The following HMGB1 variants were observed in gnomAD, a reference collection of about 807,000 sequenced individuals.
HMGB1 encodes high mobility group box 1.
For synonymous variants in HMGB1, 81 were observed against 84.0 expected (o/e 0.96, Z 0.19); for missense variants, 79 against 253.5 (o/e 0.31, Z 4.67).
chr13:30,606,379 C>A (rs1052332167), intron 1 of HMGB1, among the ~76,000 whole-genome samples: 1 of 151,954 alleles, frequency 6.6e-6, no homozygotes, highest in African/African-American at 2.4e-5. Context: ...GTTTATATAC[C>A]CTATATTCAG....
intron 1 of HMGB1, among the ~76,000 whole-genome samples, chr13:30,498,106 C>T (rs117018049): frequency 0.035 from 5,356 of 152,286 alleles, 134 homozygotes; most frequent in Non-Finnish European, 0.054. Flanking sequence ...CTCTCCACAA[C>T]CTCGCAAGCA....
chr13:30,601,415 A>G (rs1950398846), intron 1 of HMGB1, among the ~76,000 whole-genome samples: 1 of 152,212 alleles, frequency 6.6e-6, no homozygotes, highest in South Asian at 2.1e-4. Context: ...CCTGTGGTCA[A>G]ACTACTAGTA....
chr13:30,614,124 C>A (rs1000420118), intron 1 of HMGB1, among the ~76,000 whole-genome samples: 15 of 152,040 alleles, frequency 9.9e-5, no homozygotes, highest in Admixed American at 3.3e-4. Flanking sequence ...TTTGTTCTTA[C>A]ATGTGTAAAA....
At chr13:30,554,230 A>T in intron 1 of HMGB1, 4 of 1,437,848 alleles carry the variant, frequency 2.8e-6, no homozygotes, top group Non-Finnish European at 3.9e-6. Flanking sequence ...GAGTCCCTGA[A>T]TCACCAGCTT....
intron 1 of HMGB1, among the ~76,000 whole-genome samples, chr13:30,561,145 A>C (rs983535570): frequency 4.3e-5 from 6 of 138,432 alleles, no homozygotes; most frequent in African/African-American, 2.0e-4. Flanking sequence ...GAAGACTGAG[A>C]CACATTTGGT....
At chr13:30,616,198 G>C (rs1462978409) in intron 1 of HMGB1, among the ~76,000 whole-genome samples, 1 of 152,138 alleles carries the variant, frequency 6.6e-6, no homozygotes, top group African/African-American at 2.4e-5. Context: ...AAAAGCTCTA[G>C]AGCGAAAACA....
At chr13:30,466,537 C>T (rs1311223649), upstream of HMGB1, among the ~76,000 whole-genome samples, 1 of 152,188 alleles carries the variant, frequency 6.6e-6, no homozygotes, top group African/African-American at 2.4e-5. Context: ...CATGATCCAG[C>T]CAGCCGGGTT....
In HMGB1 at chr13:30,462,489, C is replaced by T. The variant is rs141813238; in HGVS notation, c.471+49G>A. 1.4e-5 allele frequency: 20 copies of T among 1,413,984 alleles called. No homozygotes were observed. In the East Asian group the frequency reaches 3.2e-4, roughly 22 times the overall value. The allele number at this position is 1,413,984 out of a possible 1,614,324, so 87.6% of individuals were successfully genotyped here. ...ACACCTCAAACTAAGTACAATCATA[C>T]ATCTGGCGTACTTGTCATCATTTTA... On this transcript the variant is annotated intron_variant, in intron 4 of 4. Coordinates refer to ENST00000341423, the MANE Select transcript of HMGB1 (RefSeq NM_002128.7).
chr13:30,472,871 G>A (rs1211911867), intron 1 of HMGB1, among the ~76,000 whole-genome samples: 1 of 131,014 alleles, frequency 7.6e-6, no homozygotes, highest in Non-Finnish European at 1.7e-5. Context: ...TTTTTTTTTA[G>A]GGCAGTGAAA....
intron 1 of HMGB1, among the ~76,000 whole-genome samples, chr13:30,479,404 T>C (rs1379552469): frequency 6.6e-6 from 1 of 152,198 alleles, no homozygotes; most frequent in African/African-American, 2.4e-5. Flanking sequence ...CTCTCCAGTT[T>C]GCCCTCTAAA....
intron 1 of HMGB1, among the ~76,000 whole-genome samples, chr13:30,586,176 T>A (rs895223761): frequency 2.0e-5 from 3 of 152,212 alleles, no homozygotes; most frequent in Admixed American, 2.0e-4. Flanking sequence ...AAGAGATCCT[T>A]CTACCTCAGC....
intron 1 of HMGB1, chr13:30,464,788 TATGAGAGA>T (rs1565995412): frequency 5.9e-4 from 137 of 231,594 alleles, no homozygotes; most frequent in Non-Finnish European, 8.4e-4. Flanking sequence ...TGTGTGTGTG[TATGAGAGA>T]GTGTGTGAGT....
At chr13:30,558,206 T>C (rs1197502226) in intron 1 of HMGB1, among the ~76,000 whole-genome samples, 1 of 152,214 alleles carries the variant, frequency 6.6e-6, no homozygotes, top group African/African-American at 2.4e-5. Context: ...CAATTCTAAT[T>C]TGTGGTAGTC....
rs972724981 is a variant in HMGB1, at chr13:30,511,720, C to T, written c.-14-48026G>A. Among the ~76,000 whole-genome samples the T allele has an allele frequency of 2.6e-5, 4 of 152,168 alleles. No homozygotes were observed. In the East Asian group the frequency reaches 7.7e-4, roughly 29 times the overall value. On this transcript the variant is annotated intron_variant, in intron 1 of 4. Transcript: ENST00000405805. ...GCATGTCCCATCTATCTCCCTTGCC[C>T]TGGCTTCTTACCTGGGCTCTCGGCC...
intron 1 of HMGB1, chr13:30,554,717 T>C: frequency 1.3e-6 from 1 of 769,824 alleles, no homozygotes; most frequent in African/African-American, 1.7e-5. Flanking sequence ...GGAAACATAT[T>C]CTAGAGGACA....
chr13:30,591,279 G>T (rs184136734), intron 1 of HMGB1, among the ~76,000 whole-genome samples: 1 of 151,902 alleles, frequency 6.6e-6, no homozygotes, highest in Non-Finnish European at 1.5e-5. Flanking sequence ...TGATCCACCC[G>T]CCTCGGCCTC....
intron 1 of HMGB1, among the ~76,000 whole-genome samples, chr13:30,544,354 A>T (rs1869046525): frequency 6.6e-6 from 1 of 152,170 alleles, no homozygotes; most frequent in Admixed American, 6.5e-5. Context: ...ATGGCTGGGG[A>T]CCCCTAAGTA....
At chr13:30,589,188 AG>A (rs1871275969) in intron 1 of HMGB1, among the ~76,000 whole-genome samples, 1 of 151,782 alleles carries the variant, frequency 6.6e-6, no homozygotes, top group South Asian at 2.1e-4. Flanking sequence ...TATTTTTAGT[AG>A]AGATGGGGTT....
At chr13:30,606,742 GTACTTAAAGC>G (rs1950462389) in intron 1 of HMGB1, among the ~76,000 whole-genome samples, 2 of 152,186 alleles carry the variant, frequency 1.3e-5, no homozygotes, top group South Asian at 4.1e-4. Flanking sequence ...TCATCTGTAA[GTACTTAAAGC>G]AACTTAAAAT....
Sources: gnomAD v4.1 joint callset for allele counts (sites outside exome capture counted in the v4.1 genomes callset) on GRCh38, gnomAD v4.1.1 for gene constraint, MANE v1.5 for transcripts, NCBI Gene and HGNC (gene_info 2026-07-23, HGNC 2026-07-21) for gene names.